DLGAP2: variants seen among roughly 807,000 people sequenced by gnomAD.
The protein encoded by DLGAP2 is disks large-associated protein 2.
Under a neutral mutation model 100.3 loss-of-function variants are expected in DLGAP2, and 26 were observed. That is an observed-to-expected ratio of 0.26 (90% confidence interval 0.19 to 0.36). The LOEUF is 0.36. Ranked by LOEUF, DLGAP2 falls within the 10% of genes least tolerant of loss-of-function variation. The pLI, the probability that DLGAP2 is intolerant of heterozygous loss-of-function variation, is 1.00. For missense variants in DLGAP2, 1,858 were observed against 1,453.2 expected (o/e 1.28, Z -4.53); for synonymous variants, 886 against 630.1 (o/e 1.41, Z -6.08).
chr8:1,457,975 CATATATATATATATATATATATATAT>C lies in DLGAP2; in HGVS notation c.107-43377_107-43352del, dbSNP rs57897392. ...CTGTCAATTGTCTCTGTTCTCTGAT[CATATATATATATATATATATATATAT>C]ATATATATATATAATTTTTTATATG... On this transcript the variant is annotated intron_variant, in intron 3 of 14. Transcript: ENST00000637795. Among the ~76,000 whole-genome samples, 649 of 107,740 alleles carry C rather than the reference CATATATATATATATATATATATATAT, an allele frequency of 6.0e-3. 10 individuals are homozygous for C. The highest frequency in any genetic ancestry group is 0.024 in the Middle Eastern group (5 of 210). The allele number at this position is 107,740 out of a possible 152,430, so 70.7% of individuals were successfully genotyped here.
chr8:1,287,161 C>CGT (rs1657956263), intron 3 of DLGAP2, among the ~76,000 whole-genome samples: 9 of 47,812 alleles, frequency 1.9e-4, no homozygotes, highest in South Asian at 1.0e-3. Context: ...TGTGTGTGCG[C>CGT]GCGCGCGCGT....
At chr8:789,426 A>G (rs1365017497) in intron 1 of DLGAP2, among the ~76,000 whole-genome samples, 1 of 152,122 alleles carries the variant, frequency 6.6e-6, no homozygotes, top group Non-Finnish European at 1.5e-5. Flanking sequence ...CACTATCACA[A>G]GAACAGCAAG....
intron 6 of DLGAP2, among the ~76,000 whole-genome samples, chr8:1,588,079 C>T (rs1423873343): frequency 1.3e-5 from 2 of 152,142 alleles, no homozygotes; most frequent in Admixed American, 1.3e-4. Context: ...TTTTCACATT[C>T]GCACGATGAA....
chr8:826,486 A>G (rs577588936), intron 1 of DLGAP2, among the ~76,000 whole-genome samples: 2 of 152,248 alleles, frequency 1.3e-5, no homozygotes, highest in Middle Eastern at 3.4e-3. Flanking sequence ...CAGCGATGTG[A>G]GACTTTTTCC....
At chr8:903,959 G>A (rs946427974) in intron 1 of DLGAP2, among the ~76,000 whole-genome samples, 1 of 152,254 alleles carries the variant, frequency 6.6e-6, no homozygotes. Context: ...GAGGCATCAG[G>A]GAGGGTGAGG....
chr8:758,134 A>G (rs1396157147), intron 1 of DLGAP2, among the ~76,000 whole-genome samples: 1 of 152,252 alleles, frequency 6.6e-6, no homozygotes, highest in Non-Finnish European at 1.5e-5. Flanking sequence ...CCTAAAAAGC[A>G]GGAGTGGCCA....
intron 3 of DLGAP2, among the ~76,000 whole-genome samples, chr8:1,330,841 A>C (rs1269114864): frequency 7.5e-6 from 1 of 132,478 alleles, no homozygotes. Context: ...GGGTGGGAGC[A>C]CAGCTTCACA....
At chr8:1,412,254 G>A (rs1261207429) in intron 3 of DLGAP2, among the ~76,000 whole-genome samples, 9 of 152,160 alleles carry the variant, frequency 5.9e-5, no homozygotes, top group Non-Finnish European at 1.2e-4. Flanking sequence ...CCTGCTCTGA[G>A]CGCTAGACTC....
chr8:765,956 C>T lies in DLGAP2; in HGVS notation c.18+28131C>T, dbSNP rs186842895. 2.3e-3 allele frequency among the ~76,000 whole-genome samples: 349 copies of T among 152,226 alleles called. 3 individuals are homozygous for T. The highest frequency in any genetic ancestry group is 0.019 in the Admixed American group (292 of 15,288). Reference sequence around the variant, plus strand: ...GGCTGATGCAGACACATCACAAGGTCGGGAATTCGAGACCAGTCTGACCAA... The same window carrying T: ...GGCTGATGCAGACACATCACAAGGTTGGGAATTCGAGACCAGTCTGACCAA... On this transcript the variant is annotated intron_variant, in intron 1 of 14. Coordinates refer to ENST00000637795, the MANE Select transcript of DLGAP2 (RefSeq NM_001346810.2).
chr8:742,239 C>T (rs1387114653), intron 1 of DLGAP2, among the ~76,000 whole-genome samples: 5 of 151,904 alleles, frequency 3.3e-5, no homozygotes, highest in Non-Finnish European at 5.9e-5. Context: ...TCGTGTGTAT[C>T]GGCAGGAAAA....
At chr8:1,538,649 G>T (rs940559139) in intron 4 of DLGAP2, among the ~76,000 whole-genome samples, 2 of 152,144 alleles carry the variant, frequency 1.3e-5, no homozygotes, top group Non-Finnish European at 1.5e-5. Flanking sequence ...TTTCTGTTGC[G>T]AGTGTCTAGA....
At chr8:1,403,928 G>C (rs1283653643) in intron 3 of DLGAP2, among the ~76,000 whole-genome samples, 1 of 20,052 alleles carries the variant, frequency 5.0e-5, no homozygotes. Flanking sequence ...CTCCAGAGTC[G>C]TGTATTGAGT....
At chr8:1,190,669 A>G (rs1313761464) in intron 2 of DLGAP2, among the ~76,000 whole-genome samples, 1 of 152,112 alleles carries the variant, frequency 6.6e-6, no homozygotes, top group Non-Finnish European at 1.5e-5. Context: ...GCTTATCCTC[A>G]TCCTCCCAAC....
intron 1 of DLGAP2, among the ~76,000 whole-genome samples, chr8:779,346 C>T (rs928592527): frequency 1.4e-4 from 22 of 152,232 alleles, no homozygotes; most frequent in African/African-American, 4.3e-4. Flanking sequence ...TGTTCCTATT[C>T]GGCCATCTTG....
chr8:1,585,597 A>T (rs1016442162), intron 6 of DLGAP2, among the ~76,000 whole-genome samples: 1 of 152,170 alleles, frequency 6.6e-6, no homozygotes, highest in African/African-American at 2.4e-5. Flanking sequence ...TTTTAACCCA[A>T]CTGTGCCATT....
chr8:1,151,822 C>A (rs1796703382), intron 2 of DLGAP2, among the ~76,000 whole-genome samples: 1 of 152,310 alleles, frequency 6.6e-6, no homozygotes, highest in South Asian at 2.1e-4. Flanking sequence ...CTTATTTTTA[C>A]ACAAATCTTT....
intron 4 of DLGAP2, among the ~76,000 whole-genome samples, chr8:1,506,320 G>A (rs1452417178): frequency 3.3e-5 from 5 of 152,248 alleles, no homozygotes; most frequent in East Asian, 1.9e-4. Context: ...TAGAAATAGC[G>A]GAAGTGTATT....
chr8:1,053,895 G>C (rs10503155), intron 2 of DLGAP2, among the ~76,000 whole-genome samples: 8,191 of 152,242 alleles, frequency 0.054, 707 homozygotes, highest in African/African-American at 0.19. Flanking sequence ...TTTAGAGCAA[G>C]TACTGTTGAG....
intron 3 of DLGAP2, among the ~76,000 whole-genome samples, chr8:1,458,278 G>C (rs1798378126): frequency 1.3e-5 from 2 of 151,874 alleles, no homozygotes; most frequent in African/African-American, 2.4e-5. Context: ...AAATTTTTGA[G>C]TTTTTAAAAT....
Sources: allele counts gnomAD v4.1 joint callset (sites outside exome capture counted in the v4.1 genomes callset), GRCh38; gene constraint gnomAD v4.1.1; transcripts MANE v1.5; gene names NCBI Gene and HGNC (gene_info 2026-07-23, HGNC 2026-07-21).